USP8: variants seen among roughly 807,000 people sequenced by gnomAD.
USP8 encodes the protein ubiquitin carboxyl-terminal hydrolase 8.
In USP8, 27 loss-of-function variants were observed where a neutral mutation model predicts 130.0. That is an observed-to-expected ratio of 0.21 (90% confidence interval 0.15 to 0.29). The LOEUF is 0.29. Ranked by LOEUF, USP8 falls within the 10% of genes least tolerant of loss-of-function variation. The probability of loss-of-function intolerance (pLI) is 1.00; values close to 1 mark genes in which losing one functional copy is unlikely to be tolerated. For missense variants in USP8, 1,029 were observed against 1,312.2 expected (o/e 0.78, Z 3.33); for synonymous variants, 392 against 444.1 (o/e 0.88, Z 1.48).
At chr15:50,457,866 A>AC (rs1243924972) in intron 4 of USP8, among the ~76,000 whole-genome samples, 4 of 149,454 alleles carry the variant, frequency 2.7e-5, no homozygotes, top group Non-Finnish European at 5.9e-5. Flanking sequence ...GTCTCAAAAA[A>AC]AAAAAGAAAA....
At chr15:50,464,133 C>T (rs2051104146) in intron 6 of USP8, among the ~76,000 whole-genome samples, 2 of 152,132 alleles carry the variant, frequency 1.3e-5, no homozygotes, top group Non-Finnish European at 2.9e-5. Context: ...GTCTCTGACA[C>T]AACTATTGAT....
intron 18 of USP8, chr15:50,497,819 A>C (rs2052476025): frequency 6.6e-6 from 1 of 152,184 alleles, no homozygotes; most frequent in Non-Finnish European, 1.5e-5. Flanking sequence ...ATTATTTGAA[A>C]AACTTTTTAA....
At chr15:50,453,665 CTG>C (rs1566852249) in intron 4 of USP8, among the ~76,000 whole-genome samples, 1 of 152,078 alleles carries the variant, frequency 6.6e-6, no homozygotes, top group African/African-American at 2.4e-5. Flanking sequence ...TCTTTACTGA[CTG>C]TGGGATGGGG....
chr15:50,445,159 A>G (rs1314639107), intron 3 of USP8, among the ~76,000 whole-genome samples: 3 of 151,888 alleles, frequency 2.0e-5, no homozygotes, highest in Admixed American at 6.6e-5. Flanking sequence ...GATATTTTCT[A>G]TTTTTTACCC....
intron 1 of USP8, among the ~76,000 whole-genome samples, chr15:50,427,846 A>G (rs1225034209): frequency 6.7e-6 from 1 of 148,754 alleles, no homozygotes; most frequent in Non-Finnish European, 1.5e-5. Flanking sequence ...GCCGTGAGCC[A>G]CCATACCTGG....
At chr15:50,457,734 G>A (rs2050838424) in intron 4 of USP8, among the ~76,000 whole-genome samples, 1 of 151,362 alleles carries the variant, frequency 6.6e-6, no homozygotes, top group East Asian at 2.0e-4. Context: ...GGTGGTGTGT[G>A]CCTCTAGTCC....
At position 50,511,752 on chromosome 15, in the gene USP8, C is replaced by A. The variant is rs529816822; in HGVS notation, c.*12664C>A. The A allele has an allele frequency of 2.0e-5, 3 of 152,180 alleles. No individual in the cohort carries two copies. The highest frequency in any genetic ancestry group is 4.4e-5 in the Non-Finnish European group (3 of 68,054). 9.4% of individuals were successfully genotyped at this position (152,180 alleles called of 1,614,324 possible). On this transcript the variant is annotated 3_prime_UTR_variant, in exon 20 of 20. Coordinates refer to ENST00000307179, the MANE Select transcript of USP8 (RefSeq NM_005154.5). Reference sequence around the variant, plus strand: ...TGGCTCACGCCTGTAATCCCAGCACCTGGGGGAGCCGAGGCAGGTGGATCA... The same window carrying A: ...TGGCTCACGCCTGTAATCCCAGCACATGGGGGAGCCGAGGCAGGTGGATCA...
At chr15:50,496,219 A>G (rs2052396440) in intron 17 of USP8, 135 bp downstream of exon 17, 2 of 688,638 alleles carry the variant, frequency 2.9e-6, no homozygotes, top group East Asian at 2.8e-5. Context: ...AGTGGCTCAT[A>G]CCTTGTACTC....
intron 7 of USP8, among the ~76,000 whole-genome samples, chr15:50,466,301 A>T (rs933432062): frequency 1.3e-5 from 2 of 152,152 alleles, no homozygotes; most frequent in African/African-American, 4.8e-5. Flanking sequence ...AAGCTATTTA[A>T]AAATTAGAGC....
At position 50,484,129 on chromosome 15, in the gene USP8, A is replaced by G. The variant is rs140614522; in HGVS notation, c.1804-146A>G. The stretch of plus-strand genomic sequence containing the variant: ...GTTTTTTAAGTATTTTGAATGTGAC[A>G]GTAAAATATAATAAAATTTTCAGAG... On this transcript the variant is annotated intron_variant, in intron 11 of 19. Transcript: ENST00000307179. 2.4e-3 allele frequency: 1,273 copies of G among 540,828 alleles called. 16 individuals carry two copies. Among genetic ancestry groups the G allele is most frequent in the African/African-American group, 0.023 (1,155 of 50,112 alleles). 33.5% of individuals were successfully genotyped at this position (540,828 alleles called of 1,614,324 possible).
chr15:50,472,628 G>A (rs1010114016), intron 8 of USP8, among the ~76,000 whole-genome samples: 9 of 148,880 alleles, frequency 6.0e-5, no homozygotes, highest in Admixed American at 2.0e-4. Flanking sequence ...TTGCAAGGCA[G>A]GGCCAGGCGT....
intron 3 of USP8, among the ~76,000 whole-genome samples, chr15:50,442,812 A>G (rs544204708): frequency 1.4e-4 from 22 of 152,340 alleles, no homozygotes; most frequent in African/African-American, 5.3e-4. Context: ...TCATTAAACA[A>G]AAGTGAAGAA....
In USP8 at chr15:50,505,591, GA is replaced by G. The variant is rs1232597867; in HGVS notation, c.*6505del. The G allele has an allele frequency of 6.6e-6, 1 of 152,198 alleles. No individual in the cohort carries two copies. The highest frequency in any genetic ancestry group is 1.9e-4 in the East Asian group (1 of 5,206). The allele number at this position is 152,198 out of a possible 1,614,324, so 9.4% of individuals were successfully genotyped here. On this transcript the variant is annotated 3_prime_UTR_variant, in exon 20 of 20. Transcript: ENST00000307179. ...ACAGTGATTAACAAAAAAGACTGAT[GA>G]AGATCCGGGCAAATATAACCCAATA...
chr15:50,456,722 C>T (rs2050803802), intron 4 of USP8, among the ~76,000 whole-genome samples: 1 of 151,476 alleles, frequency 6.6e-6, no homozygotes, highest in South Asian at 2.1e-4. Context: ...CCCTTTTCTA[C>T]TAAAAATGCA....
chr15:50,446,463 A>G (rs2050444732), intron 3 of USP8, among the ~76,000 whole-genome samples: 2 of 152,172 alleles, frequency 1.3e-5, no homozygotes, highest in Non-Finnish European at 2.9e-5. Context: ...AACAAGTTAT[A>G]GCATTTTTGG....
chr15:50,496,476 G>A (rs1043776836), intron 17 of USP8, among the ~76,000 whole-genome samples: 120 of 86,452 alleles, frequency 1.4e-3, no homozygotes, highest in African/African-American at 6.2e-3. Flanking sequence ...ACAAGACTCC[G>A]TCTTAAAAAA....
rs1230515737 is a variant in USP8, at chr15:50,460,359, T to C, written c.498+1197T>C. ...TTTTACTCTGTCGCTCAGGCTGGAG[T>C]GCAGTGGTGCGATTTCAGCTCGCTG... On this transcript the variant is annotated intron_variant, in intron 5 of 19. Transcript: ENST00000307179. Among the ~76,000 whole-genome samples, 4 of 140,526 alleles carry C rather than the reference T, an allele frequency of 2.8e-5. No individual in the cohort carries two copies. The Admixed American group carries it at 3.1e-4, about 11-fold the overall frequency. The allele number at this position is 140,526 out of a possible 152,430, so 92.2% of individuals were successfully genotyped here. A position where few individuals can be genotyped will look rare whatever the true frequency, so the allele number is the denominator to read the frequency against.
chr15:50,457,879 A>G (rs1045035136), intron 4 of USP8, among the ~76,000 whole-genome samples: 3 of 147,316 alleles, frequency 2.0e-5, no homozygotes, highest in Non-Finnish European at 4.5e-5. Flanking sequence ...AAAGAAAAGA[A>G]AAGAAAAAAA....
At position 50,503,596 on chromosome 15, in the gene USP8, C is replaced by T. The variant is rs932724283; in HGVS notation, c.*4508C>T. The T allele has an allele frequency of 2.0e-5, 3 of 152,192 alleles. No individual in the cohort carries two copies. The highest frequency in any genetic ancestry group is 6.5e-5 in the Admixed American group (1 of 15,280). 9.4% of individuals were successfully genotyped at this position (152,192 alleles called of 1,614,324 possible). A position where few individuals can be genotyped will look rare whatever the true frequency, so the allele number is the denominator to read the frequency against. ...TCTAGTGCTTGTGTTAGCTTGGACT[C>T]ATGGTACAGAGAATAAAAGTCATTC... On this transcript the variant is annotated 3_prime_UTR_variant, in exon 20 of 20. Transcript: ENST00000307179.
Sources: allele counts gnomAD v4.1 joint callset (sites outside exome capture counted in the v4.1 genomes callset), GRCh38; gene constraint gnomAD v4.1.1; transcripts MANE v1.5; gene names NCBI Gene and HGNC (gene_info 2026-07-23, HGNC 2026-07-21).